The following TBC1D5 variants were observed in gnomAD, a reference collection of about 807,000 sequenced individuals.
TBC1D5 encodes the protein TBC1 domain family member 5, also known as TBC1 domain family, member 5.
TBC1D5 carries 75 observed loss-of-function variants against 100.3 expected under a neutral mutation model. The observed-to-expected ratio is 0.75, with a 90% confidence interval of 0.62 to 0.91. The LOEUF (loss-of-function observed/expected upper bound fraction) is 0.91. Among genes scored for constraint, TBC1D5 ranks in the 40% least tolerant of loss-of-function variants. The pLI is 0.00. For missense variants in TBC1D5, 910 were observed against 942.4 expected, an observed-to-expected ratio of 0.97 and a Z score of 0.45; for synonymous variants, 323 against 325.6, an observed-to-expected ratio of 0.99 and a Z score of 0.09.
intron 13 of TBC1D5, among the ~76,000 whole-genome samples, chr3:17,335,611 A>G (rs2087611800): frequency 6.6e-6 from 1 of 152,160 alleles, no homozygotes; most frequent in South Asian, 2.1e-4. Context: ...TCTGCTTTAA[A>G]GATTGTAGAA....
chr3:17,549,729 A>G (rs147145280), intron 2 of TBC1D5, among the ~76,000 whole-genome samples: 10,985 of 152,134 alleles, frequency 0.072, 808 homozygotes, highest in African/African-American at 0.19. Flanking sequence ...TCAGGAGTTC[A>G]AGACCAGCCT....
intron 3 of TBC1D5, among the ~76,000 whole-genome samples, chr3:17,465,882 C>G (rs2095292659): frequency 6.6e-6 from 1 of 152,138 alleles, no homozygotes; most frequent in Non-Finnish European, 1.5e-5. Flanking sequence ...AGGTAAATAC[C>G]AAACAAAGTC....
At chr3:17,677,980 C>A (rs1031212195) in intron 1 of TBC1D5, among the ~76,000 whole-genome samples, 2 of 152,076 alleles carry the variant, frequency 1.3e-5, no homozygotes. Flanking sequence ...GGGAACACCA[C>A]ACACCGGGGC....
At position 17,167,831 on chromosome 3, in the gene TBC1D5, G is replaced by A. The variant is rs1256312831; in HGVS notation, c.1853-3C>T. Reference sequence around the variant, plus strand: ...TAATATCACATCTTGAATATTTACTGAAAATAGAAGAATGACATTTTATAA... The same window carrying A: ...TAATATCACATCTTGAATATTTACTAAAAATAGAAGAATGACATTTTATAA... On this transcript the variant is annotated splice_polypyrimidine_tract_variant and splice_region_variant and intron_variant, in intron 19 of 21. Transcript: ENST00000253692. 2 of 1,577,982 alleles carry A rather than the reference G, an allele frequency of 1.3e-6. No homozygotes were observed. The highest frequency in any genetic ancestry group is 2.3e-5 in the East Asian group (1 of 44,368).
At chr3:17,657,325 CTTTCT>C (rs2066175745) in intron 1 of TBC1D5, among the ~76,000 whole-genome samples, 1 of 136,996 alleles carries the variant, frequency 7.3e-6, no homozygotes, top group African/African-American at 2.7e-5. Flanking sequence ...TGGACAAATT[CTTTCT>C]TTTTTTTTTT....
At chr3:17,479,615 T>C (rs1422524107) in intron 3 of TBC1D5, among the ~76,000 whole-genome samples, 2 of 151,996 alleles carry the variant, frequency 1.3e-5, no homozygotes, top group African/African-American at 4.8e-5. Flanking sequence ...TAGTCCGACA[T>C]GGATGGAGCC....
intron 1 of TBC1D5, among the ~76,000 whole-genome samples, chr3:17,662,116 C>T (rs1341989325): frequency 6.6e-6 from 1 of 152,148 alleles, no homozygotes; most frequent in Non-Finnish European, 1.5e-5. Context: ...TGGTCTCTAA[C>T]TCCTGGCCCC....
intron 3 of TBC1D5, among the ~76,000 whole-genome samples, chr3:17,480,012 T>C (rs1390242626): frequency 6.6e-6 from 1 of 152,222 alleles, no homozygotes; most frequent in Non-Finnish European, 1.5e-5. Flanking sequence ...TGAAAGTGCC[T>C]GATCCTGTGG....
intron 16 of TBC1D5, among the ~76,000 whole-genome samples, chr3:17,254,610 C>A (rs985167775): frequency 6.6e-6 from 1 of 151,948 alleles, no homozygotes; most frequent in African/African-American, 2.4e-5. Context: ...AAATATTACT[C>A]CCAAGTATGT....
intron 2 of TBC1D5, among the ~76,000 whole-genome samples, chr3:17,586,967 T>C (rs2096736865): frequency 6.6e-6 from 1 of 151,890 alleles, no homozygotes; most frequent in Non-Finnish European, 1.5e-5. Flanking sequence ...ATATAAAAAA[T>C]GGAAATTTGA....
At chr3:17,532,584 C>T (rs1012366938) in intron 2 of TBC1D5, among the ~76,000 whole-genome samples, 2 of 152,116 alleles carry the variant, frequency 1.3e-5, no homozygotes, top group African/African-American at 4.8e-5. Flanking sequence ...TTGGAACCAA[C>T]CCAAATGTCC....
intron 14 of TBC1D5, among the ~76,000 whole-genome samples, chr3:17,301,063 C>T (rs1308199665): frequency 2.1e-5 from 3 of 145,812 alleles, no homozygotes; most frequent in Admixed American, 6.8e-5. Context: ...AGTAAAACTC[C>T]GTCTCAGAAA....
At chr3:17,677,423 G>A (rs1403475209) in intron 1 of TBC1D5, among the ~76,000 whole-genome samples, 1 of 152,190 alleles carries the variant, frequency 6.6e-6, no homozygotes, top group African/African-American at 2.4e-5. Flanking sequence ...GGCCATCAGA[G>A]AAATGCAAAG....
Position 17,284,844 on chromosome 3 carries a change from T to G in TBC1D5, c.1245+7051A>C, listed in dbSNP as rs544662511. Among the ~76,000 whole-genome samples the G allele has an allele frequency of 1.2e-4, 19 of 152,280 alleles. No homozygotes were observed. In the South Asian group the frequency reaches 3.9e-3, roughly 32 times the overall value. On this transcript the variant is annotated intron_variant, in intron 15 of 21. Transcript: ENST00000253692. The stretch of plus-strand genomic sequence containing the variant: ...CAAAAAGTCTTTATTTCTGATTGGA[T>G]GTGAAAATACACCTAATTAGTCACT...
exon 22 of TBC1D5, chr3:17,159,221 A>C (rs1033229272): frequency 6.6e-6 from 1 of 152,202 alleles, no homozygotes; most frequent in African/African-American, 2.4e-5. Context: ...GTAAGAGGAG[A>C]GTTCCCTGCT....
chr3:17,472,068 G>A (rs984173534), intron 3 of TBC1D5, among the ~76,000 whole-genome samples: 2 of 150,846 alleles, frequency 1.3e-5, no homozygotes, highest in Non-Finnish European at 3.0e-5. Flanking sequence ...AAGTAATTTA[G>A]AAGAATAGTA....
At chr3:17,409,905 T>C (rs61626295) in intron 4 of TBC1D5, among the ~76,000 whole-genome samples, 13,885 of 152,182 alleles carry the variant, frequency 0.091, 1,433 homozygotes, top group African/African-American at 0.26. Context: ...AAAGTGCTGA[T>C]TGAGAAGCTG....
chr3:17,470,405 T>A (rs2095359155), intron 3 of TBC1D5, among the ~76,000 whole-genome samples: 1 of 152,196 alleles, frequency 6.6e-6, no homozygotes, highest in African/African-American at 2.4e-5. Context: ...ATGCAAAGTA[T>A]AACAATACAA....
chr3:17,486,351 C>A (rs562150078), intron 3 of TBC1D5, among the ~76,000 whole-genome samples: 2 of 152,296 alleles, frequency 1.3e-5, no homozygotes, highest in Non-Finnish European at 2.9e-5. Flanking sequence ...AATTAGATCC[C>A]ATTTGTCAAT....
Sources: gnomAD v4.1 joint callset for allele counts (sites outside exome capture counted in the v4.1 genomes callset) on GRCh38, gnomAD v4.1.1 for gene constraint, MANE v1.5 for transcripts, NCBI Gene and HGNC (gene_info 2026-07-23, HGNC 2026-07-21) for gene names.